PDE4B: variants seen among roughly 807,000 people sequenced by gnomAD.
PDE4B encodes phosphodiesterase 4B, also known as 3',5'-cyclic-AMP phosphodiesterase 4B.
Under a neutral mutation model 82.2 loss-of-function variants are expected in PDE4B, and 20 were observed. The observed-to-expected ratio is 0.24, with a 90% CI of 0.17 to 0.35. The LOEUF is 0.35. Among genes scored for constraint, PDE4B ranks in the 10% least tolerant of loss-of-function variants. PDE4B has a pLI of 1.00. For synonymous variants in PDE4B, 320 were observed against 318.9 expected, an observed-to-expected ratio of 1.00 and a Z score of -0.04; for missense variants, 655 against 907.2, an observed-to-expected ratio of 0.72 and a Z score of 3.57.
chr1:66,204,074 C>T (rs1255321099), intron 3 of PDE4B, among the ~76,000 whole-genome samples: 1 of 152,304 alleles, frequency 6.6e-6, no homozygotes, highest in Admixed American at 6.5e-5. Flanking sequence ...CAGACAGGAC[C>T]CTCAGCTGCA....
intron 1 of PDE4B, among the ~76,000 whole-genome samples, chr1:65,863,807 C>T (rs192234928): frequency 1.3e-5 from 2 of 152,124 alleles, no homozygotes; most frequent in African/African-American, 4.8e-5. Flanking sequence ...TCTGTTTTAT[C>T]AGAGACTAGG....
chr1:66,157,369 C>T (rs372361689), intron 3 of PDE4B, among the ~76,000 whole-genome samples: 1 of 152,182 alleles, frequency 6.6e-6, no homozygotes, highest in African/African-American at 2.4e-5. Context: ...TGCAGTGCAG[C>T]CAAAGTGATA....
chr1:65,966,546 A>T (rs1010277512), intron 3 of PDE4B, among the ~76,000 whole-genome samples: 6 of 152,332 alleles, frequency 3.9e-5, no homozygotes, highest in Non-Finnish European at 8.8e-5. Flanking sequence ...AGAAAAAATT[A>T]CTTTAAATTT....
chr1:66,189,640 G>C (rs1337810610), intron 3 of PDE4B, among the ~76,000 whole-genome samples: 1 of 152,064 alleles, frequency 6.6e-6, no homozygotes, highest in African/African-American at 2.4e-5. Context: ...ATTGAGGCTT[G>C]TGCATTCGTC....
chr1:66,317,093 G>A (rs2101881828), intron 7 of PDE4B, among the ~76,000 whole-genome samples: 1 of 152,312 alleles, frequency 6.6e-6, no homozygotes, highest in East Asian at 1.9e-4. Context: ...TTCATTGGAA[G>A]TTCTGAATCT....
At chr1:66,263,413 A>G (rs1222040485) in intron 6 of PDE4B, among the ~76,000 whole-genome samples, 3 of 152,274 alleles carry the variant, frequency 2.0e-5, no homozygotes, top group African/African-American at 7.2e-5. Context: ...CAAGTGGCAT[A>G]TAGAACCAAG....
rs143638859 is a variant in PDE4B at position 66,170,682 on chromosome 1, A to G, written c.282-76778A>G. Among the ~76,000 whole-genome samples the G allele has an allele frequency of 8.5e-3, 1,287 of 152,286 alleles. 29 individuals are homozygous for G. Among genetic ancestry groups the G allele is most frequent in the African/African-American group, 0.029 (1,201 of 41,554 alleles). On this transcript the variant is annotated intron_variant, in intron 3 of 16. Transcript: ENST00000341517. Reference sequence around the variant, plus strand: ...TTTATCCTCTTTTTAGAGCTATCAGAGAGATTTAAAATAGTTCATATTGCT... The same window carrying G: ...TTTATCCTCTTTTTAGAGCTATCAGGGAGATTTAAAATAGTTCATATTGCT...
intron 3 of PDE4B, among the ~76,000 whole-genome samples, chr1:66,124,719 T>G (rs1645783974): frequency 6.6e-6 from 1 of 151,750 alleles, no homozygotes; most frequent in Non-Finnish European, 1.5e-5. Context: ...TCAATGTTGT[T>G]TCCTCATAAC....
chr1:66,201,003 A>G (rs1218690235), intron 3 of PDE4B, among the ~76,000 whole-genome samples: 2 of 152,084 alleles, frequency 1.3e-5, no homozygotes, highest in Non-Finnish European at 2.9e-5. Flanking sequence ...AGCTCTTATT[A>G]TTTTGAGATA....
chr1:65,934,654 T>G (rs899418623), intron 3 of PDE4B, among the ~76,000 whole-genome samples: 2 of 152,184 alleles, frequency 1.3e-5, no homozygotes, highest in Non-Finnish European at 2.9e-5. Flanking sequence ...CACTTTAGAT[T>G]TAAAGACACA....
intron 1 of PDE4B, among the ~76,000 whole-genome samples, chr1:65,885,953 A>T (rs1646770797): frequency 6.6e-6 from 1 of 150,880 alleles, no homozygotes; most frequent in South Asian, 2.1e-4. Context: ...TAAGACAGCC[A>T]CTAGCCATAT....
intron 3 of PDE4B, among the ~76,000 whole-genome samples, chr1:66,081,846 G>C (rs938687651): frequency 1.3e-5 from 2 of 151,650 alleles, no homozygotes; most frequent in Admixed American, 6.6e-5. Flanking sequence ...GTGTGTGTGT[G>C]TGTGTGTGTG....
chr1:66,338,268 T>A (rs2101939309), intron 8 of PDE4B, among the ~76,000 whole-genome samples: 1 of 152,330 alleles, frequency 6.6e-6, no homozygotes. Flanking sequence ...CCATCAATGA[T>A]CCCAATGAGG....
chr1:66,056,492 CTATCTATCT>C (rs1159220308), intron 3 of PDE4B, among the ~76,000 whole-genome samples: 1 of 87,446 alleles, frequency 1.1e-5, no homozygotes, highest in Non-Finnish European at 2.2e-5. Flanking sequence ...TATCATCTAT[CTATCTATCT>C]ATCTATCTAT....
intron 3 of PDE4B, among the ~76,000 whole-genome samples, chr1:66,056,508 CTATCTATCTATCTATCTATCTATCATCT>C (rs1655305563): frequency 1.4e-5 from 1 of 73,166 alleles, no homozygotes; most frequent in Non-Finnish European, 2.6e-5. Flanking sequence ...ATCTATCTAT[CTATCTATCTATCTATCTATCTATCATCT>C]ATCTATCTAT....
At chr1:66,165,338 A>AT (rs1400200647) in intron 3 of PDE4B, among the ~76,000 whole-genome samples, 1 of 152,100 alleles carries the variant, frequency 6.6e-6, no homozygotes, top group East Asian at 1.9e-4. Flanking sequence ...GCAGTTCATT[A>AT]TTTTTTCTAA....
At chr1:65,966,607 A>G (rs1649848162) in intron 3 of PDE4B, among the ~76,000 whole-genome samples, 1 of 152,216 alleles carries the variant, frequency 6.6e-6, no homozygotes, top group Non-Finnish European at 1.5e-5. Context: ...CTAAGCAAAA[A>G]GAACAAAGCT....
chr1:65,992,928 A>G (rs1236124924), intron 3 of PDE4B: 7 of 1,613,670 alleles, frequency 4.3e-6, no homozygotes, highest in Non-Finnish European at 5.9e-6. Flanking sequence ...AGATTCTTCA[A>G]AGGAACTTAC....
At chr1:65,795,360 A>G (rs1645620336) in intron 1 of PDE4B, among the ~76,000 whole-genome samples, 1 of 152,228 alleles carries the variant, frequency 6.6e-6, no homozygotes, top group Non-Finnish European at 1.5e-5. Flanking sequence ...ACCCATTTCT[A>G]TTTCCAAAAA....
Sources: allele counts gnomAD v4.1 joint callset (sites outside exome capture counted in the v4.1 genomes callset), GRCh38; gene constraint gnomAD v4.1.1; transcripts MANE v1.5; gene names NCBI Gene and HGNC (gene_info 2026-07-23, HGNC 2026-07-21).